Variants in PDK4 observed in about 807,000 individuals in gnomAD.
The protein encoded by PDK4 is pyruvate dehydrogenase kinase 4.
Under a neutral mutation model 51.7 loss-of-function variants are expected in PDK4, and 43 were observed. The ratio of observed to expected loss-of-function variants is 0.83; its 90% CI spans 0.65 to 1.07. The LOEUF (loss-of-function observed/expected upper bound fraction) is 1.07, where lower values mean the gene tolerates loss of function less well. Ranked by LOEUF, PDK4 falls within the 50% of genes least tolerant of loss-of-function variation. The probability of loss-of-function intolerance (pLI) is 0.00; values close to 1 mark genes in which losing one functional copy is unlikely to be tolerated. For missense variants in PDK4, 498 were observed against 503.5 expected (o/e 0.99, Z 0.10); for synonymous variants, 170 against 176.6 (o/e 0.96, Z 0.30).
intron 10 of PDK4, among the ~76,000 whole-genome samples, chr7:95,586,231 G>C (rs1043629863): frequency 6.5e-5 from 8 of 122,300 alleles, no homozygotes; most frequent in Non-Finnish European, 1.1e-4. Flanking sequence ...GTCTAGCTCT[G>C]TTGCCCAAGC....
At position 95,587,430 on chromosome 7, in the gene PDK4, C is replaced by G. The variant is rs556361873; in HGVS notation, c.969G>C (p.Arg323=). 5.9e-5 allele frequency: 94 copies of G among 1,593,762 alleles called. No homozygotes were observed. In the South Asian group the frequency reaches 9.6e-4, roughly 16 times the overall value. The part of the protein sequence containing the change: ...TAPTPVMDNS[R]NAPLAGFGYG... ...TAATTGTTCTTACCAAAGGAGCATT[C>G]CGGGAATTATCCATCACAGGCGTTG... is the stretch of plus-strand genomic sequence containing the variant. The change falls in exon 9 of 11, where the codon CGG becomes CGC. Residue 323 remains arginine (R), a synonymous_variant. Coordinates refer to ENST00000005178, the MANE Select transcript of PDK4 (RefSeq NM_002612.4).
At chr7:95,591,364 A>C (rs1791550304) in intron 6 of PDK4, among the ~76,000 whole-genome samples, 1 of 152,246 alleles carries the variant, frequency 6.6e-6, no homozygotes, top group Non-Finnish European at 1.5e-5. Flanking sequence ...TTAAGTGTAC[A>C]ATACAATATC....
At chr7:95,594,430 GT>G (rs11308239) in intron 2 of PDK4, among the ~76,000 whole-genome samples, 37,014 of 149,524 alleles carry the variant, frequency 0.25, 4,647 homozygotes, top group African/African-American at 0.31. Flanking sequence ...GTCCTAAGTG[GT>G]TTTTTTTTTC....
Position 95,586,201 on chromosome 7 carries a change from T to TTTTTTTG in PDK4, c.1096-421_1096-420insCAAAAAA, listed in dbSNP as rs1554356825. On this transcript the variant is annotated intron_variant, in intron 10 of 10. Coordinates refer to ENST00000005178, the MANE Select transcript of PDK4 (RefSeq NM_002612.4). ...AGGAAAATATGCACCAAGGTTTTTTTTTTTTTTTTTTGAGACGGAGTCTAG... is the reference window on the plus strand; with the variant it reads ...AGGAAAATATGCACCAAGGTTTTTTTTTTTTTGTTTTTTTTTTTGAGACGGAGTCTAG... Among the ~76,000 whole-genome samples the TTTTTTTG allele has an allele frequency of 3.6e-3, 532 of 147,696 alleles. 14 individuals are homozygous for TTTTTTTG. Among genetic ancestry groups the TTTTTTTG allele is most frequent in the African/African-American group, 0.013 (520 of 39,540 alleles).
Position 95,585,816 on chromosome 7 carries a change from GA to G in PDK4, c.1096-36del, listed in dbSNP as rs1172430853. ...AAGGGGGGAAAAACATGAGACCAAAGAAATTATGCATGGCATAATTTGCACT... is the reference window on the plus strand; with the variant it reads ...AAGGGGGGAAAAACATGAGACCAAAGAATTATGCATGGCATAATTTGCACT... On this transcript the variant is annotated intron_variant, in intron 10 of 10. Transcript: ENST00000005178. 7 of 1,564,828 alleles carry G rather than the reference GA, an allele frequency of 4.5e-6. No homozygotes were observed. In the African/African-American group the frequency reaches 9.5e-5, roughly 21 times the overall value.
chr7:95,594,593 G>T (rs1791592911), intron 2 of PDK4, among the ~76,000 whole-genome samples: 1 of 152,096 alleles, frequency 6.6e-6, no homozygotes. Flanking sequence ...GACAGAGGCA[G>T]GATTTGAACC....
At chr7:95,586,252 G>A (rs1257923185) in intron 10 of PDK4, among the ~76,000 whole-genome samples, 1 of 142,720 alleles carries the variant, frequency 7.0e-6, no homozygotes. Flanking sequence ...TGGAGTGCAG[G>A]GGCACGATCT....
chr7:95,585,309 C>G lies in PDK4; in HGVS notation c.*332G>C. 5.3e-6 allele frequency: 1 copy of G among 188,040 alleles called. No individual in the cohort carries two copies. 11.6% of individuals were successfully genotyped at this position (188,040 alleles called of 1,614,324 possible). A position where few individuals can be genotyped will look rare whatever the true frequency, so the allele number is the denominator to read the frequency against. ...TAAAATATCAGTCTTAGTGAAACTG[C>G]TAACCACCATCTTCACACTCACTCC... On this transcript the variant is annotated 3_prime_UTR_variant, in exon 11 of 11. Transcript: ENST00000005178.
chr7:95,596,042 G>T (rs931989019), intron 1 of PDK4, 122 bp downstream of exon 1: 6 of 1,111,536 alleles, frequency 5.4e-6, no homozygotes, highest in Non-Finnish European at 7.6e-6. Context: ...AGGCTCCAGG[G>T]CTCAGCAGCA....
chr7:95,593,882 C>A, intron 2 of PDK4, 112 bp from the exon 3 acceptor site: 1 of 470,648 alleles, frequency 2.1e-6, no homozygotes, highest in South Asian at 4.7e-5. Context: ...GCATTATGTT[C>A]AAACTTAAAA....
chr7:95,587,663 T>A (rs950553079), intron 8 of PDK4, 64 bp downstream of exon 8: 2 of 1,256,954 alleles, frequency 1.6e-6, no homozygotes, highest in Non-Finnish European at 2.3e-6. Flanking sequence ...CAGACAGCTT[T>A]ATTACTATTG....
chr7:95,589,071 A>T (rs1791520853), intron 7 of PDK4, among the ~76,000 whole-genome samples: 1 of 152,324 alleles, frequency 6.6e-6, no homozygotes, highest in South Asian at 2.1e-4. Context: ...CTTATTCAAA[A>T]TTGAGAATCT....
rs1049835369 is a variant in PDK4, at chr7:95,583,507, T to C, written c.*2134A>G. 2 of 152,184 alleles carry C rather than the reference T, an allele frequency of 1.3e-5. No individual in the cohort carries two copies. Among genetic ancestry groups the C allele is most frequent in the African/African-American group, 4.8e-5 (2 of 41,454 alleles). The allele number at this position is 152,184 out of a possible 1,614,324, so 9.4% of individuals were successfully genotyped here. A position where few individuals can be genotyped will look rare whatever the true frequency, so the allele number is the denominator to read the frequency against. On this transcript the variant is annotated 3_prime_UTR_variant, in exon 11 of 11. Transcript: ENST00000005178. ...CTTTAAAACACAATGTCTTTTATCA[T>C]CATAAAAAATATTTATTATAAAAAA...
chr7:95,587,635 G>A (rs894902605), intron 8 of PDK4, 92 bp downstream of exon 8: 4 of 1,144,000 alleles, frequency 3.5e-6, no homozygotes, highest in South Asian at 2.5e-5. Context: ...ATATATGACT[G>A]TTATCTATTG....
intron 1 of PDK4, among the ~76,000 whole-genome samples, chr7:95,595,700 A>C (rs1312689661): frequency 6.6e-6 from 1 of 152,222 alleles, no homozygotes; most frequent in Admixed American, 6.5e-5. Flanking sequence ...ATAAAGAGAC[A>C]AAGAAATCTG....
Position 95,585,759 on chromosome 7 carries a change from T to C in PDK4, c.1118A>G (p.Glu373Gly). 6.3e-7 allele frequency: 1 copy of C among 1,598,048 alleles called. No homozygotes were observed. The highest frequency in any genetic ancestry group is 8.6e-7 in the Non-Finnish European group (1 of 1,167,602). The change falls in exon 11 of 11, where the codon GAA becomes GGA. Residue 373 changes from glutamate to glycine, a missense_variant. Physicochemically the swap from Glu to Gly is moderately conservative, Grantham distance 98. Coordinates refer to ENST00000005178, the MANE Select transcript of PDK4 (RefSeq NM_002612.4). ...TGACTTGTTAAAAACTGGAAGTTTTTCTATAGACTCAGAAGACAAAGCCTA... is the reference window on the plus strand; with the variant it reads ...TGACTTGTTAAAAACTGGAAGTTTTCCTATAGACTCAGAAGACAAAGCCTA... ...YLKALSSESIEKLPVFNKSAF... is the reference protein window; with the variant it reads ...YLKALSSESIGKLPVFNKSAF...
chr7:95,586,924 G>A (rs1420006882), intron 10 of PDK4, 86 bp downstream of exon 10: 2 of 710,656 alleles, frequency 2.8e-6, no homozygotes, highest in Non-Finnish European at 5.0e-6. Context: ...TCAGTTTGGG[G>A]AATTCACTCC....
chr7:95,588,417 T>C (rs1207075010), intron 7 of PDK4, among the ~76,000 whole-genome samples: 1 of 152,232 alleles, frequency 6.6e-6, no homozygotes, highest in East Asian at 1.9e-4. Context: ...GTATCCTTTG[T>C]CCTTTAACAC....
At position 95,587,483 on chromosome 7, in the gene PDK4, G is replaced by A. The variant is rs1271552503; in HGVS notation, c.916C>T (p.Leu306Phe). The A allele has an allele frequency of 4.3e-6, 7 of 1,611,720 alleles. No individual in the cohort carries two copies. The highest frequency in any genetic ancestry group is 5.9e-6 in the Non-Finnish European group (7 of 1,177,800). The change falls in exon 9 of 11, where the codon CTC (leucine) becomes TTC (phenylalanine). Residue 306 changes from leucine (L) to phenylalanine (F), a missense_variant. Coordinates refer to ENST00000005178, the MANE Select transcript of PDK4 (RefSeq NM_002612.4). Reference sequence around the variant, plus strand: ...GCAGTGGAGTATGTATAACTAAAGAGGCGGTCAATAATTCTCAGGGGAACA... The same window carrying A: ...GCAGTGGAGTATGTATAACTAAAGAAGCGGTCAATAATTCTCAGGGGAACA... ...GGVPLRIIDR[L>F]FSYTYSTAPT...
Sources: allele counts gnomAD v4.1 joint callset (sites outside exome capture counted in the v4.1 genomes callset), GRCh38; gene constraint gnomAD v4.1.1; transcripts MANE v1.5; gene names NCBI Gene and HGNC (gene_info 2026-07-23, HGNC 2026-07-21).